Variants in NDUFB9 observed in about 807,000 individuals in gnomAD.
NDUFB9 encodes the protein NADH dehydrogenase [ubiquinone] 1 beta subcomplex subunit 9.
In NDUFB9, 24 loss-of-function variants were observed where a neutral mutation model predicts 30.2. The observed-to-expected ratio is 0.80, with a 90% CI of 0.58 to 1.12. The LOEUF is 1.12. NDUFB9 is among the 50% of genes most tolerant of loss of function. The pLI, the probability that NDUFB9 is intolerant of heterozygous loss-of-function variation, is 0.00. For missense variants in NDUFB9, 204 were observed against 226.0 expected (o/e 0.90, Z 0.62); for synonymous variants, 80 against 84.0 (o/e 0.95, Z 0.26).
chr8:124,544,265 G>T, intron 2 of NDUFB9, among the ~76,000 whole-genome samples: 1 of 152,208 alleles, frequency 6.6e-6, no homozygotes, highest in East Asian at 1.9e-4. Flanking sequence ...ATAGAGGTTG[G>T]TCCATGAGGT....
intron 3 of NDUFB9, 109 bp from the exon 4 acceptor site, chr8:124,549,652 A>C (rs1822285459): frequency 1.1e-5 from 11 of 991,780 alleles, no homozygotes. Context: ...GATAGTGTGT[A>C]ATGTCAGTGA....
intron 2 of NDUFB9, chr8:124,546,648 AC>A (rs1423807276): frequency 9.5e-6 from 3 of 315,546 alleles, no homozygotes; most frequent in Non-Finnish European, 1.8e-5. Context: ...TTTAAAGTTA[AC>A]CAACTTGGAT....
chr8:124,547,732 C>A (rs1456410139), intron 3 of NDUFB9, among the ~76,000 whole-genome samples: 2 of 152,084 alleles, frequency 1.3e-5, no homozygotes, highest in Non-Finnish European at 2.9e-5. Context: ...ATAATCCCAG[C>A]ACTTTGGGAG....
chr8:124,549,723 A>G (rs1335919004), intron 3 of NDUFB9, 38 bp from the exon 4 acceptor site: 3 of 1,600,628 alleles, frequency 1.9e-6, no homozygotes, highest in Non-Finnish European at 2.6e-6. Flanking sequence ...AGTCAATTAG[A>G]TTCCTTTGGT....
chr8:124,548,256 G>T, intron 3 of NDUFB9, among the ~76,000 whole-genome samples: 1 of 152,166 alleles, frequency 6.6e-6, no homozygotes. Flanking sequence ...TAAAAGCCAT[G>T]GAGAGATGTA....
Position 124,539,272 on chromosome 8 carries a change from C to T in NDUFB9, c.86C>T (p.Ser29Leu). 6 of 1,614,128 alleles carry T rather than the reference C, an allele frequency of 3.7e-6. No individual in the cohort carries two copies. Among genetic ancestry groups the T allele is most frequent in the Non-Finnish European group, 5.1e-6 (6 of 1,180,014 alleles). Residue 29 changes from serine (S) to leucine (L), a missense_variant, in exon 1 of 4, where the codon TCG (serine) becomes TTG (leucine). Physicochemically the swap from Ser to Leu is moderately radical, Grantham distance 145. Coordinates refer to ENST00000276689, the MANE Select transcript of NDUFB9 (RefSeq NM_005005.3). Reference protein sequence around the residue: ...LYKRALRHLESWCVQRDKYRY... With the variant: ...LYKRALRHLELWCVQRDKYRY... The stretch of plus-strand genomic sequence containing the variant: ...AAGCGGGCGCTACGCCACCTCGAGT[C>T]GTGGTGCGTCCAGAGGTAAGGGATG...
At chr8:124,542,816 T>C (rs1310331424) in intron 1 of NDUFB9, 9 of 291,246 alleles carry the variant, frequency 3.1e-5, no homozygotes, top group Admixed American at 1.9e-4. Flanking sequence ...TCTTTTTTTT[T>C]TTTTTTTTTT....
intron 2 of NDUFB9, among the ~76,000 whole-genome samples, chr8:124,544,979 G>T (rs1271392623): frequency 6.6e-6 from 1 of 152,204 alleles, no homozygotes; most frequent in Admixed American, 6.5e-5. Flanking sequence ...TCCAACCCTT[G>T]TGGGTGATTT....
intron 1 of NDUFB9, among the ~76,000 whole-genome samples, chr8:124,542,272 G>A (rs1035550736): frequency 2.0e-5 from 3 of 151,910 alleles, no homozygotes; most frequent in Non-Finnish European, 4.4e-5. Context: ...GGCTTGTCTT[G>A]AACTCCAGAC....
intron 2 of NDUFB9, among the ~76,000 whole-genome samples, chr8:124,544,679 A>T (rs1312880599): frequency 6.6e-6 from 1 of 152,218 alleles, no homozygotes; most frequent in Non-Finnish European, 1.5e-5. Context: ...TGTATACAAC[A>T]TGGTTTACTG....
At chr8:124,542,021 T>C (rs1347299821) in intron 1 of NDUFB9, among the ~76,000 whole-genome samples, 1 of 151,920 alleles carries the variant, frequency 6.6e-6, no homozygotes, top group Non-Finnish European at 1.5e-5. Context: ...GTTCAAGCTA[T>C]TCTCCTGCCT....
In NDUFB9 at chr8:124,549,824, C is replaced by A. The variant is rs148402231; in HGVS notation, c.472C>A (p.Arg158=). 1.9e-6 allele frequency: 3 copies of A among 1,614,000 alleles called. No individual in the cohort carries two copies. Among genetic ancestry groups the A allele is most frequent in the Non-Finnish European group, 2.5e-6 (3 of 1,180,018 alleles). ...TTTAACTGAAGCTTTGCCCCCTGCC[C>A]GAAAGGAAGGTGATTTGCCCCCACT... The part of the protein sequence containing the change: ...GPLTEALPPA[R]KEGDLPPLWW... Residue 158 remains arginine (R), a synonymous_variant, in exon 4 of 4, where the codon CGA becomes AGA. Transcript: ENST00000276689.
At chr8:124,540,626 A>G (rs185655843) in intron 1 of NDUFB9, among the ~76,000 whole-genome samples, 1 of 152,374 alleles carries the variant, frequency 6.6e-6, no homozygotes, top group East Asian at 1.9e-4. Context: ...TGGGAATACT[A>G]AAGTCCATAG....
chr8:124,548,513 A>G (rs1484973492), intron 3 of NDUFB9, among the ~76,000 whole-genome samples: 1 of 152,158 alleles, frequency 6.6e-6, no homozygotes, highest in East Asian at 1.9e-4. Flanking sequence ...GCTGGAGAGT[A>G]GTAGGATGGC....
chr8:124,548,179 G>C (rs1252664487), intron 3 of NDUFB9, among the ~76,000 whole-genome samples: 1 of 152,172 alleles, frequency 6.6e-6, no homozygotes, highest in Non-Finnish European at 1.5e-5. Flanking sequence ...GCCAACTTCA[G>C]ATGTGGAAAT....
chr8:124,546,086 C>T (rs143183454), intron 2 of NDUFB9, among the ~76,000 whole-genome samples: 11 of 152,240 alleles, frequency 7.2e-5, no homozygotes, highest in African/African-American at 1.7e-4. Flanking sequence ...AGGTGATCCG[C>T]CTGCCTCAGC....
chr8:124,547,999 AGAG>A (rs1190135861), intron 3 of NDUFB9, among the ~76,000 whole-genome samples: 2 of 151,086 alleles, frequency 1.3e-5, no homozygotes, highest in Non-Finnish European at 2.9e-5. Context: ...GAAAAAAAAA[AGAG>A]AGAATGGTTT....
chr8:124,543,403 T>C, intron 2 of NDUFB9, 124 bp downstream of exon 2: 4 of 933,046 alleles, frequency 4.3e-6, no homozygotes, highest in Non-Finnish European at 6.7e-6. Context: ...CTGACAGTTG[T>C]CAGATGCAGG....
intron 1 of NDUFB9, among the ~76,000 whole-genome samples, chr8:124,541,755 C>T (rs939638685): frequency 6.6e-5 from 10 of 152,156 alleles, no homozygotes; most frequent in Non-Finnish European, 1.5e-4. Context: ...AGGCATGCGC[C>T]ACCACGCCTG....
Sources: allele counts gnomAD v4.1 joint callset (sites outside exome capture counted in the v4.1 genomes callset), GRCh38; gene constraint gnomAD v4.1.1; transcripts MANE v1.5; gene names NCBI Gene and HGNC (gene_info 2026-07-23, HGNC 2026-07-21).